The following LRRC7 variants were observed in gnomAD, a reference collection of about 807,000 sequenced individuals.
The protein encoded by LRRC7 is leucine rich repeat containing 7.
LRRC7 carries 23 observed loss-of-function variants against 175.7 expected under a neutral mutation model. The ratio of observed to expected loss-of-function variants is 0.13; its 90% CI spans 0.09 to 0.19. The LOEUF (loss-of-function observed/expected upper bound fraction) is 0.19, where lower values mean the gene tolerates loss of function less well. Among genes scored for constraint, LRRC7 ranks in the 10% least tolerant of loss-of-function variants. The pLI is 1.00. For missense variants in LRRC7, 1,354 were observed against 1,904.7 expected (o/e 0.71, Z 5.38); for synonymous variants, 685 against 680.9 (o/e 1.01, Z -0.09).
At position 70,143,656 on chromosome 1, in the gene LRRC7, C is replaced by T. The variant is rs1054617232; in HGVS notation, c.*21769C>T. ...TCGGGTGGGAGGGGGCAGGAAACAC[C>T]TCTTCACATTTAAGGTTTTCTACTT... On this transcript the variant is annotated 3_prime_UTR_variant, in exon 27 of 27. Coordinates refer to ENST00000651989, the MANE Select transcript of LRRC7 (RefSeq NM_001370785.2). 1 of 151,992 alleles carries T rather than the reference C, an allele frequency of 6.6e-6. No homozygotes were observed. 9.4% of individuals were successfully genotyped at this position (151,992 alleles called of 1,614,324 possible). A position where few individuals can be genotyped will look rare whatever the true frequency, so the allele number is the denominator to read the frequency against.
rs1666970891 is a variant in LRRC7 at position 70,139,027 on chromosome 1, T to C, written c.*17140T>C. On this transcript the variant is annotated 3_prime_UTR_variant, in exon 27 of 27. Transcript: ENST00000651989. ...CTGCCTTTAGGAAAAAGCAATGCTT[T>C]ATGTAGCTTCAATTAGTCCTGCATC... The C allele has an allele frequency of 6.6e-6, 1 of 152,206 alleles. No homozygotes were observed. Among genetic ancestry groups the C allele is most frequent in the Non-Finnish European group, 1.5e-5 (1 of 68,034 alleles). 9.4% of individuals were successfully genotyped at this position (152,206 alleles called of 1,614,324 possible).
At chr1:69,621,426 C>A (rs1650581220) in intron 1 of LRRC7, among the ~76,000 whole-genome samples, 1 of 152,086 alleles carries the variant, frequency 6.6e-6, no homozygotes, top group Non-Finnish European at 1.5e-5. Flanking sequence ...TCTATTAGTT[C>A]TTACATATTC....
chr1:69,738,357 C>T (rs950318490), intron 2 of LRRC7, among the ~76,000 whole-genome samples: 3 of 151,952 alleles, frequency 2.0e-5, no homozygotes, highest in Non-Finnish European at 4.4e-5. Flanking sequence ...TGTTTACCTG[C>T]GCCAGAGCTA....
intron 2 of LRRC7, among the ~76,000 whole-genome samples, chr1:69,684,987 C>T (rs779981500): frequency 4.6e-5 from 7 of 152,156 alleles, no homozygotes; most frequent in Non-Finnish European, 1.0e-4. Context: ...CTATCTTTCA[C>T]CCAGTGTCAT....
At chr1:69,773,830 G>A (rs377073511) in intron 3 of LRRC7, among the ~76,000 whole-genome samples, 4 of 152,134 alleles carry the variant, frequency 2.6e-5, no homozygotes, top group Admixed American at 1.3e-4. Flanking sequence ...AAAGCACAAC[G>A]AGGTTAAAGA....
At chr1:69,803,594 A>G (rs1046601375) in intron 4 of LRRC7, among the ~76,000 whole-genome samples, 2 of 151,420 alleles carry the variant, frequency 1.3e-5, no homozygotes, top group Non-Finnish European at 3.0e-5. Context: ...TTGATTTTAC[A>G]TTGAGCTACA....
intron 1 of LRRC7, among the ~76,000 whole-genome samples, chr1:69,601,250 T>C (rs905568264): frequency 1.3e-5 from 2 of 152,190 alleles, no homozygotes; most frequent in Admixed American, 1.3e-4. Context: ...TATACTAAAA[T>C]GTATAGATAC....
intron 1 of LRRC7, among the ~76,000 whole-genome samples, chr1:69,668,412 T>A (rs1050880711): frequency 1.3e-5 from 2 of 152,312 alleles, no homozygotes; most frequent in African/African-American, 2.4e-5. Flanking sequence ...TTTCTGTTCC[T>A]GTGTTAGTTT....
intron 7 of LRRC7, among the ~76,000 whole-genome samples, chr1:69,863,155 C>A: frequency 6.6e-6 from 1 of 152,070 alleles, no homozygotes; most frequent in East Asian, 1.9e-4. Context: ...CTGTCTATTT[C>A]GCTTATTCAT....
chr1:69,997,551 T>G (rs1296360528), intron 11 of LRRC7, among the ~76,000 whole-genome samples: 2 of 151,986 alleles, frequency 1.3e-5, no homozygotes, highest in Admixed American at 1.3e-4. Context: ...CATAGATAGC[T>G]CTTATTATTT....
chr1:69,872,240 A>G (rs1022686038), intron 7 of LRRC7, among the ~76,000 whole-genome samples: 1 of 152,050 alleles, frequency 6.6e-6, no homozygotes, highest in African/African-American at 2.4e-5. Flanking sequence ...GTACATAAAA[A>G]ATTGTAAACA....
chr1:70,105,874 CAG>C (rs957542911), intron 25 of LRRC7, among the ~76,000 whole-genome samples: 4 of 152,124 alleles, frequency 2.6e-5, no homozygotes, highest in South Asian at 2.1e-4. Flanking sequence ...AGAAGGAAAA[CAG>C]ATTAAAATAT....
rs569210161 is a variant in LRRC7, at chr1:69,688,996, C to G, written c.100+10518C>G. Among the ~76,000 whole-genome samples, 74 of 152,250 alleles carry G rather than the reference C, an allele frequency of 4.9e-4. 1 individual carries two copies. The South Asian group carries it at 0.014, about 29-fold the overall frequency. The stretch of plus-strand genomic sequence containing the variant: ...GGAGCAAAGGATAGAGGAGGTGGTA[C>G]TTGGGATATCAGGAATCAGGGCACT... On this transcript the variant is annotated intron_variant, in intron 2 of 26. Transcript: ENST00000651989.
chr1:69,659,446 G>T (rs543129776), intron 1 of LRRC7, among the ~76,000 whole-genome samples: 25 of 150,208 alleles, frequency 1.7e-4, no homozygotes, highest in Non-Finnish European at 2.1e-4. Context: ...TAAAAAAAAT[G>T]TATAAATAGA....
intron 2 of LRRC7, among the ~76,000 whole-genome samples, chr1:69,724,746 G>C (rs1192714800): frequency 6.6e-6 from 1 of 152,034 alleles, no homozygotes; most frequent in Non-Finnish European, 1.5e-5. Flanking sequence ...TATACTTGTG[G>C]GTGGTAGAGA....
rs532194888 is a variant in LRRC7 at position 69,907,804 on chromosome 1, T to A, written c.648-23703T>A. On this transcript the variant is annotated intron_variant, in intron 7 of 26. Transcript: ENST00000651989. ...ATGAGTTAGGGAGGATTCCCTCTTT[T>A]TCTATTGATTGGAATAGTTTCAGAA... Among the ~76,000 whole-genome samples the A allele has an allele frequency of 2.7e-4, 41 of 152,278 alleles. 1 individual carries two copies. In the South Asian group the frequency reaches 8.3e-3, roughly 31 times the overall value.
At chr1:70,060,952 TTA>T (rs1326366265) in intron 23 of LRRC7, among the ~76,000 whole-genome samples, 2 of 151,998 alleles carry the variant, frequency 1.3e-5, no homozygotes, top group African/African-American at 4.8e-5. Context: ...CCCCCAGGAG[TTA>T]TGTCTTTACT....
chr1:69,574,399 T>A lies in LRRC7; in HGVS notation c.2+5758T>A, dbSNP rs1645861762. On this transcript the variant is annotated intron_variant, in intron 1 of 26. Transcript: ENST00000651989. ...GAGAAACTACAGGATTTTATGTTATTATATTGAAAAAGATAAGAATACTCT... is the reference window on the plus strand; with the variant it reads ...GAGAAACTACAGGATTTTATGTTATAATATTGAAAAAGATAAGAATACTCT... Among the ~76,000 whole-genome samples the A allele has an allele frequency of 3.3e-5, 5 of 152,194 alleles. No homozygotes were observed. In the South Asian group the frequency reaches 1.0e-3, roughly 32 times the overall value.
At position 69,908,961 on chromosome 1, in the gene LRRC7, G is replaced by A. The variant is rs1228895136; in HGVS notation, c.648-22546G>A. Among the ~76,000 whole-genome samples, 1,088 of 151,272 alleles carry A rather than the reference G, an allele frequency of 7.2e-3. 5 individuals carry two copies. The highest frequency in any genetic ancestry group is 0.031 in the Middle Eastern group (9 of 292). On this transcript the variant is annotated intron_variant, in intron 7 of 26. Coordinates refer to ENST00000651989, the MANE Select transcript of LRRC7 (RefSeq NM_001370785.2). Reference sequence around the variant, plus strand: ...TTATGAGTCTGGGTGCTCCTGTATCGGGTGCATATATATTTAGGATAGTTA... The same window carrying A: ...TTATGAGTCTGGGTGCTCCTGTATCAGGTGCATATATATTTAGGATAGTTA...
Sources: gnomAD v4.1 joint callset for allele counts (sites outside exome capture counted in the v4.1 genomes callset) on GRCh38, gnomAD v4.1.1 for gene constraint, MANE v1.5 for transcripts, NCBI Gene and HGNC (gene_info 2026-07-23, HGNC 2026-07-21) for gene names.